The following PLXDC2 variants were observed in gnomAD, a reference collection of about 807,000 sequenced individuals.
PLXDC2 encodes plexin domain containing 2, also known as plexin domain-containing protein 2.
Under a neutral mutation model 68.9 loss-of-function variants are expected in PLXDC2, and 40 were observed. The observed-to-expected ratio is 0.58, with a 90% CI of 0.45 to 0.76. The LOEUF is 0.76. Ranked by LOEUF, PLXDC2 falls within the 30% of genes least tolerant of loss-of-function variation. The probability of loss-of-function intolerance (pLI) is 0.00; values close to 1 mark genes in which losing one functional copy is unlikely to be tolerated. For synonymous variants in PLXDC2, 243 were observed against 234.2 expected, an observed-to-expected ratio of 1.04 and a Z score of -0.34; for missense variants, 644 against 661.9, an observed-to-expected ratio of 0.97 and a Z score of 0.30.
chr10:20,114,116 C>G (rs936982173), intron 4 of PLXDC2, among the ~76,000 whole-genome samples: 4 of 152,048 alleles, frequency 2.6e-5, no homozygotes, highest in African/African-American at 9.7e-5. Flanking sequence ...AGAGTGAGAC[C>G]CCATGTCAAA....
Position 20,245,430 on chromosome 10 carries a change from T to G in PLXDC2, c.1398T>G (p.Ile466Met). 1 of 1,613,842 alleles carries G rather than the reference T, an allele frequency of 6.2e-7. No homozygotes were observed. The highest frequency in any genetic ancestry group is 8.5e-7 in the Non-Finnish European group (1 of 1,179,956). Residue 466 changes from isoleucine to methionine, a missense_variant, in exon 13 of 14, where the codon ATT (isoleucine) becomes ATG (methionine). Ile to Met is a conservative substitution (Grantham distance 10). Around this residue, in one of 3 missense-constraint regions of PLXDC2, gnomAD observed 330 missense variants for 327.9 expected, o/e 1.01. Coordinates refer to ENST00000377252, the MANE Select transcript of PLXDC2 (RefSeq NM_032812.9). The stretch of plus-strand genomic sequence containing the variant: ...TTGGAATCCTCATCCTGGTCCTCAT[T>G]GTAGCCACAGCCATTCTTGTGACAG... ...LIIGILILVL[I>M]VATAILVTVY...
At chr10:20,106,386 C>T (rs1032300331) in intron 4 of PLXDC2, among the ~76,000 whole-genome samples, 4 of 152,162 alleles carry the variant, frequency 2.6e-5, no homozygotes, top group Admixed American at 6.5e-5. Flanking sequence ...GGAGGCTGGA[C>T]GGTTCCTAAG....
chr10:20,269,286 T>C (rs1209745215), intron 13 of PLXDC2, among the ~76,000 whole-genome samples: 1 of 148,896 alleles, frequency 6.7e-6, no homozygotes, highest in Non-Finnish European at 1.5e-5. Context: ...TTAGTATGCA[T>C]CTAAAGACAG....
chr10:19,945,191 A>G (rs545453786), intron 1 of PLXDC2, among the ~76,000 whole-genome samples: 8 of 152,316 alleles, frequency 5.3e-5, no homozygotes, highest in African/African-American at 1.7e-4. Context: ...TAACATGTTC[A>G]TATTTCTGCC....
chr10:20,063,902 C>T (rs11011767), intron 3 of PLXDC2, among the ~76,000 whole-genome samples: 22,276 of 152,154 alleles, frequency 0.15, 1,917 homozygotes, highest in South Asian at 0.3. Context: ...CATATGAAGA[C>T]GTAATACTTT....
At chr10:19,956,819 T>G (rs983290352) in intron 1 of PLXDC2, among the ~76,000 whole-genome samples, 111 of 152,238 alleles carry the variant, frequency 7.3e-4, no homozygotes, top group African/African-American at 2.5e-3. Flanking sequence ...TGTATTGAAC[T>G]ATGTCAATAC....
chr10:19,869,473 G>GGGGGGGAGA (rs1837491104), intron 1 of PLXDC2, among the ~76,000 whole-genome samples: 1 of 127,592 alleles, frequency 7.8e-6, no homozygotes, highest in African/African-American at 2.9e-5. Context: ...GAGAAAGGGG[G>GGGGGGGAGA]GGGGGGGAGA....
At chr10:19,996,057 A>G (rs1253944152) in intron 1 of PLXDC2, among the ~76,000 whole-genome samples, 1 of 152,174 alleles carries the variant, frequency 6.6e-6, no homozygotes, top group Non-Finnish European at 1.5e-5. Context: ...GAGTCATTCG[A>G]GGCTTGTCAG....
At chr10:20,074,481 T>A (rs2131713565) in intron 4 of PLXDC2, among the ~76,000 whole-genome samples, 1 of 152,090 alleles carries the variant, frequency 6.6e-6, no homozygotes, top group African/African-American at 2.4e-5. Flanking sequence ...AAACTTAGAG[T>A]AGTTTCCTAT....
At chr10:19,970,930 T>G (rs1394545359) in intron 1 of PLXDC2, among the ~76,000 whole-genome samples, 1 of 152,188 alleles carries the variant, frequency 6.6e-6, no homozygotes, top group Non-Finnish European at 1.5e-5. Flanking sequence ...TCTCTGAGCT[T>G]CGTTCCAATC....
chr10:19,929,470 T>C (rs558193027), intron 1 of PLXDC2, among the ~76,000 whole-genome samples: 21 of 152,308 alleles, frequency 1.4e-4, no homozygotes, highest in African/African-American at 5.1e-4. Flanking sequence ...CATTTCTTTG[T>C]GGAAATTTGT....
Position 19,945,913 on chromosome 10 carries a change from A to G in PLXDC2, c.113-55862A>G, listed in dbSNP as rs367706196. Among the ~76,000 whole-genome samples the G allele has an allele frequency of 5.9e-5, 9 of 152,336 alleles. No homozygotes were observed. In the East Asian group the frequency reaches 1.2e-3, roughly 20 times the overall value. On this transcript the variant is annotated intron_variant, in intron 1 of 13. Coordinates refer to ENST00000377252, the MANE Select transcript of PLXDC2 (RefSeq NM_032812.9). The stretch of plus-strand genomic sequence containing the variant: ...AAAAGGTTTCCAGAGGACTGGAAAT[A>G]TATTTTCACACCCGCTTCCAAATCC...
At chr10:20,150,648 T>C (rs1834140659) in intron 6 of PLXDC2, among the ~76,000 whole-genome samples, 1 of 152,182 alleles carries the variant, frequency 6.6e-6, no homozygotes, top group Non-Finnish European at 1.5e-5. Flanking sequence ...ACTGGTCAAG[T>C]CTCTGTAAAG....
chr10:19,999,503 C>T (rs541602126), intron 1 of PLXDC2, among the ~76,000 whole-genome samples: 5 of 150,838 alleles, frequency 3.3e-5, no homozygotes, highest in Admixed American at 1.3e-4. Context: ...ATCATTTAAT[C>T]TATTCTCTGA....
chr10:20,288,726 A>G lies in PLXDC2; in HGVS notation c.*8907A>G, dbSNP rs1836191308. The G allele has an allele frequency of 6.6e-6, 1 of 152,116 alleles. No individual in the cohort carries two copies. Among genetic ancestry groups the G allele is most frequent in the Non-Finnish European group, 1.5e-5 (1 of 68,012 alleles). 9.4% of individuals were successfully genotyped at this position (152,116 alleles called of 1,614,324 possible). A position where few individuals can be genotyped will look rare whatever the true frequency, so the allele number is the denominator to read the frequency against. ...TTTCTTCACACAGCTTCTTAAACCA[A>G]GTTTCTCTGCAGCTCTTTCGGTTCT... On this transcript the variant is annotated 3_prime_UTR_variant, in exon 14 of 14. Transcript: ENST00000377252.
chr10:20,001,724 T>C lies in PLXDC2; in HGVS notation c.113-51T>C, dbSNP rs572439134. 2.0e-4 allele frequency: 310 copies of C among 1,540,150 alleles called. 4 individuals carry two copies. The South Asian group carries it at 3.3e-3, about 16-fold the overall frequency. ...TCTTCTCGAGCCGATAGCACTTGCA[T>C]GTATGGTACACATAATGAGTGGTAA... is the stretch of plus-strand genomic sequence containing the variant. On this transcript the variant is annotated intron_variant, in intron 1 of 13. Transcript: ENST00000377252.
intron 3 of PLXDC2, among the ~76,000 whole-genome samples, chr10:20,049,389 G>A (rs1050577890): frequency 2.0e-5 from 3 of 152,026 alleles, no homozygotes; most frequent in African/African-American, 4.8e-5. Flanking sequence ...GAAATAAAGA[G>A]CATCCAAATA....
chr10:20,012,303 C>CTCTTTTTTTTT (rs1835129350), intron 2 of PLXDC2, among the ~76,000 whole-genome samples: 7 of 65,598 alleles, frequency 1.1e-4, no homozygotes, highest in African/African-American at 4.6e-4. Flanking sequence ...CTCTCTCTCT[C>CTCTTTTTTTTT]TTTTTTATTT....
intron 1 of PLXDC2, among the ~76,000 whole-genome samples, chr10:19,847,850 G>GTATT: frequency 6.6e-6 from 1 of 152,266 alleles, no homozygotes; most frequent in African/African-American, 2.4e-5. Flanking sequence ...GTGATATACT[G>GTATT]TACTGGGATT....
Sources: allele counts gnomAD v4.1 joint callset (sites outside exome capture counted in the v4.1 genomes callset), GRCh38; gene constraint gnomAD v4.1.1; regional missense constraint gnomAD v4.1.1; transcripts MANE v1.5; gene names NCBI Gene and HGNC (gene_info 2026-07-23, HGNC 2026-07-21).